Variants in CNTNAP5 observed in about 807,000 individuals in gnomAD.
CNTNAP5 encodes the protein contactin-associated protein-like 5.
CNTNAP5 carries 72 observed loss-of-function variants against 150.2 expected under a neutral mutation model. The ratio of observed to expected loss-of-function variants is 0.48; its 90% CI spans 0.40 to 0.58. The LOEUF (loss-of-function observed/expected upper bound fraction) is 0.58, where lower values mean the gene tolerates loss of function less well. Among genes scored for constraint, CNTNAP5 ranks in the 20% least tolerant of loss-of-function variants. The pLI, the probability that CNTNAP5 is intolerant of heterozygous loss-of-function variation, is 0.00. For synonymous variants in CNTNAP5, 672 were observed against 619.8 expected (o/e 1.08, Z -1.25); for missense variants, 1,636 against 1,626.2 (o/e 1.01, Z -0.10).
At chr2:124,091,040 A>G (rs1268510999) in intron 1 of CNTNAP5, among the ~76,000 whole-genome samples, 1 of 152,196 alleles carries the variant, frequency 6.6e-6, no homozygotes, top group African/African-American at 2.4e-5. Context: ...GAGATTAAAG[A>G]TGTGTAGGGT....
At chr2:124,519,579 C>T (rs1694808111) in intron 8 of CNTNAP5, among the ~76,000 whole-genome samples, 1 of 152,178 alleles carries the variant, frequency 6.6e-6, no homozygotes, top group African/African-American at 2.4e-5. Context: ...TGCAGCCTCT[C>T]CACTTTTCTC....
At chr2:124,482,549 G>A (rs2104841240) in intron 7 of CNTNAP5, among the ~76,000 whole-genome samples, 1 of 152,288 alleles carries the variant, frequency 6.6e-6, no homozygotes, top group African/African-American at 2.4e-5. Flanking sequence ...TCCGTGAACA[G>A]CACTGATCTC....
intron 3 of CNTNAP5, among the ~76,000 whole-genome samples, chr2:124,385,775 A>G (rs1234512633): frequency 6.6e-6 from 1 of 152,226 alleles, no homozygotes; most frequent in African/African-American, 2.4e-5. Context: ...TAGAGGCAAG[A>G]AAACTGTCCC....
At chr2:124,856,343 T>G (rs549983641) in intron 19 of CNTNAP5, among the ~76,000 whole-genome samples, 1 of 152,160 alleles carries the variant, frequency 6.6e-6, no homozygotes, top group Non-Finnish European at 1.5e-5. Flanking sequence ...TACTTTCCTG[T>G]GTAGATACCC....
In CNTNAP5 at chr2:124,119,050, GCCGTTGCACTTAGTGT is replaced by G. The variant is rs1683495534; in HGVS notation, c.82+93319_82+93334del. On this transcript the variant is annotated intron_variant, in intron 1 of 23. Transcript: ENST00000682447. ...GGTGGATCAGACCAAGCTCTTTAGG[GCCGTTGCACTTAGTGT>G]TCTCTTTGCCTGGAACACTCTCACA... Among the ~76,000 whole-genome samples the G allele has an allele frequency of 2.0e-5, 3 of 152,248 alleles. 1 individual carries two copies. The highest frequency in any genetic ancestry group is 3.4e-3 in the Middle Eastern group (1 of 294).
chr2:124,485,666 C>T (rs1693862126), intron 7 of CNTNAP5, among the ~76,000 whole-genome samples: 1 of 145,524 alleles, frequency 6.9e-6, no homozygotes, highest in Non-Finnish European at 1.5e-5. Context: ...GAACACATAG[C>T]ATACAGATAG....
At chr2:124,837,291 G>A (rs949662506) in intron 19 of CNTNAP5, among the ~76,000 whole-genome samples, 5 of 152,012 alleles carry the variant, frequency 3.3e-5, no homozygotes, top group Non-Finnish European at 5.9e-5. Context: ...GTGACACTAA[G>A]TGCCATTTAG....
chr2:124,825,248 C>G (rs1682568763), intron 19 of CNTNAP5, among the ~76,000 whole-genome samples: 1 of 152,126 alleles, frequency 6.6e-6, no homozygotes, highest in Admixed American at 6.6e-5. Flanking sequence ...AACAAATTTA[C>G]TTTCTTAAAG....
At chr2:124,732,529 G>T (rs954339372) in intron 13 of CNTNAP5, among the ~76,000 whole-genome samples, 1 of 152,048 alleles carries the variant, frequency 6.6e-6, no homozygotes, top group Non-Finnish European at 1.5e-5. Context: ...ACATCAACAA[G>T]GCAGTTTCCC....
At chr2:124,768,586 G>A (rs1167714806) in intron 16 of CNTNAP5, among the ~76,000 whole-genome samples, 5 of 151,960 alleles carry the variant, frequency 3.3e-5, no homozygotes, top group African/African-American at 4.8e-5. Context: ...CATCGATGAC[G>A]ATCACTGTGT....
At chr2:124,899,841 C>A (rs991482581) in intron 21 of CNTNAP5, among the ~76,000 whole-genome samples, 1 of 151,432 alleles carries the variant, frequency 6.6e-6, no homozygotes, top group Non-Finnish European at 1.5e-5. Flanking sequence ...TTAGGAAATA[C>A]ATTTGTCTTT....
At position 124,507,754 on chromosome 2, in the gene CNTNAP5, C is replaced by A. The variant is rs774009617; in HGVS notation, c.1327+3198C>A. Among the ~76,000 whole-genome samples the A allele has an allele frequency of 3.8e-4, 58 of 152,180 alleles. 1 individual carries two copies. The highest frequency in any genetic ancestry group is 1.6e-4 in the Non-Finnish European group (11 of 68,036). On this transcript the variant is annotated intron_variant, in intron 8 of 23. Transcript: ENST00000682447. Reference sequence around the variant, plus strand: ...GATGCAAGTCCCCCACAAAAGACAGCTTTGCAGGGCTACTTCTTTTGGAAC... The same window carrying A: ...GATGCAAGTCCCCCACAAAAGACAGATTTGCAGGGCTACTTCTTTTGGAAC...
rs1402534251 is a variant in CNTNAP5, at chr2:124,713,318, C to CCTTCCTTTCTTTCTTT, written c.2078-33908_2078-33907insCCTTTCTTTCTTTCTT. Among the ~76,000 whole-genome samples, 79 of 43,968 alleles carry CCTTCCTTTCTTTCTTT rather than the reference C, an allele frequency of 1.8e-3. 7 individuals are homozygous for CCTTCCTTTCTTTCTTT. Among genetic ancestry groups the CCTTCCTTTCTTTCTTT allele is most frequent in the Non-Finnish European group, 2.9e-3 (64 of 21,844 alleles). 28.8% of individuals were successfully genotyped at this position (43,968 alleles called of 152,430 possible). A position where few individuals can be genotyped will look rare whatever the true frequency, so the allele number is the denominator to read the frequency against. Reference sequence around the variant, plus strand: ...CTTTCTTTCTTCTTTCTCTTTCTTTCCTTTCTTTCTTTCTTTCTTTCTTTC... The same window carrying CCTTCCTTTCTTTCTTT: ...CTTTCTTTCTTCTTTCTCTTTCTTTCCTTCCTTTCTTTCTTTCTTTCTTTCTTTCTTTCTTTCTTTC... On this transcript the variant is annotated intron_variant, in intron 13 of 23. Transcript: ENST00000682447.
At chr2:124,064,529 C>G (rs1443142774) in intron 1 of CNTNAP5, among the ~76,000 whole-genome samples, 1 of 152,168 alleles carries the variant, frequency 6.6e-6, no homozygotes, top group Non-Finnish European at 1.5e-5. Flanking sequence ...GGATTTCTAA[C>G]TGGTCTCCTG....
chr2:124,028,969 A>C (rs1160874697), intron 1 of CNTNAP5, among the ~76,000 whole-genome samples: 1 of 152,164 alleles, frequency 6.6e-6, no homozygotes. Context: ...GCAGGAATAC[A>C]TGGAGCACAT....
intron 13 of CNTNAP5, among the ~76,000 whole-genome samples, chr2:124,741,457 C>T (rs1157067189): frequency 6.6e-6 from 1 of 152,184 alleles, no homozygotes; most frequent in Non-Finnish European, 1.5e-5. Flanking sequence ...TTATGTTCAA[C>T]AGCTCCCAAT....
intron 3 of CNTNAP5, among the ~76,000 whole-genome samples, chr2:124,340,860 CTATA>C (rs1197517593): frequency 4.8e-5 from 7 of 147,142 alleles, no homozygotes; most frequent in Non-Finnish European, 8.9e-5. Context: ...TACACACACA[CTATA>C]TGTATATACA....
chr2:124,583,975 C>T (rs1376789791), intron 11 of CNTNAP5, among the ~76,000 whole-genome samples: 4 of 152,132 alleles, frequency 2.6e-5, no homozygotes, highest in Admixed American at 6.5e-5. Flanking sequence ...ACCTAGCTCC[C>T]GCACCTCCTC....
chr2:124,133,107 T>C (rs1030191323), intron 1 of CNTNAP5, among the ~76,000 whole-genome samples: 1 of 152,230 alleles, frequency 6.6e-6, no homozygotes, highest in East Asian at 1.9e-4. Context: ...GAGAAGAAAA[T>C]AGGCTAGTTA....
Sources: allele counts gnomAD v4.1 joint callset (sites outside exome capture counted in the v4.1 genomes callset), GRCh38; gene constraint gnomAD v4.1.1; transcripts MANE v1.5; gene names NCBI Gene and HGNC (gene_info 2026-07-23, HGNC 2026-07-21).